The following SNX6 variants were observed in gnomAD, a reference collection of about 807,000 sequenced individuals.
The protein encoded by SNX6 is sorting nexin-6.
In SNX6, 34 loss-of-function variants were observed where a neutral mutation model predicts 63.0. The ratio of observed to expected loss-of-function variants is 0.54; its 90% CI spans 0.41 to 0.72. The LOEUF (loss-of-function observed/expected upper bound fraction) is 0.72, where lower values mean the gene tolerates loss of function less well. SNX6 is among the 30% of genes least tolerant of loss of function. The pLI, the probability that SNX6 is intolerant of heterozygous loss-of-function variation, is 0.00. For missense variants in SNX6, 398 were observed against 471.4 expected, an observed-to-expected ratio of 0.84 and a Z score of 1.44; for synonymous variants, 170 against 164.2, an observed-to-expected ratio of 1.04 and a Z score of -0.27.
At chr14:34,588,249 G>A (rs1022031148) in intron 8 of SNX6, among the ~76,000 whole-genome samples, 2 of 151,884 alleles carry the variant, frequency 1.3e-5, no homozygotes, top group South Asian at 2.1e-4. Flanking sequence ...CCTTGTGATC[G>A]GCCCGCCTTA....
At chr14:34,594,190 T>C (rs1031649823) in intron 7 of SNX6, among the ~76,000 whole-genome samples, 1 of 152,166 alleles carries the variant, frequency 6.6e-6, no homozygotes, top group Non-Finnish European at 1.5e-5. Context: ...CTGTTATACA[T>C]TCTACTGGCC....
At chr14:34,624,075 C>A (rs1458880644) in intron 2 of SNX6, among the ~76,000 whole-genome samples, 1 of 151,818 alleles carries the variant, frequency 6.6e-6, no homozygotes, top group Non-Finnish European at 1.5e-5. Flanking sequence ...ATTCTTGAAG[C>A]CTGCTTTTTA....
chr14:34,625,959 T>C (rs1471592370), intron 2 of SNX6, among the ~76,000 whole-genome samples: 1 of 152,182 alleles, frequency 6.6e-6, no homozygotes, highest in Non-Finnish European at 1.5e-5. Context: ...GCAGTGGCTC[T>C]GATATCAGAA....
At chr14:34,614,811 A>T (rs1883358644) in intron 2 of SNX6, among the ~76,000 whole-genome samples, 1 of 152,104 alleles carries the variant, frequency 6.6e-6, no homozygotes, top group Non-Finnish European at 1.5e-5. Context: ...GCTACTCAGG[A>T]AGCTGAGGCA....
rs1028453512 is a variant in SNX6, at chr14:34,619,703, C to T, written c.55-9961G>A. Among the ~76,000 whole-genome samples the T allele has an allele frequency of 5.3e-5, 8 of 152,164 alleles. No individual in the cohort carries two copies. The East Asian group carries it at 1.5e-3, about 29-fold the overall frequency. On this transcript the variant is annotated intron_variant, in intron 2 of 13. Coordinates refer to ENST00000362031, the MANE Select transcript of SNX6 (RefSeq NM_152233.4). ...TTTTACCACATGTACAATGTAACCT[C>T]ATCAACACCTCCAGTCCTGTGACCT...
At chr14:34,617,607 CAAAAAAAAAAAA>C (rs34716944) in intron 2 of SNX6, among the ~76,000 whole-genome samples, 16,132 of 67,446 alleles carry the variant, frequency 0.24, 1,912 homozygotes, top group East Asian at 0.63. Flanking sequence ...GACCCTGTCT[CAAAAAAAAAAAA>C]AAAAAAAAAA....
chr14:34,569,772 T>C (rs1355114736), intron 11 of SNX6, among the ~76,000 whole-genome samples: 1 of 152,226 alleles, frequency 6.6e-6, no homozygotes, highest in East Asian at 1.9e-4. Context: ...TGTATGGTTA[T>C]ATCACATTAA....
chr14:34,586,465 G>T, intron 8 of SNX6, 160 bp from the exon 9 acceptor site: 2 of 409,738 alleles, frequency 4.9e-6, no homozygotes, highest in Non-Finnish European at 8.9e-6. Context: ...CCAACACTTT[G>T]GGAGGCTGGG....
chr14:34,629,880 C>CG (rs1328413008), intron 2 of SNX6, 27 bp downstream of exon 2: 2 of 1,552,802 alleles, frequency 1.3e-6, no homozygotes, highest in Admixed American at 3.9e-5. Context: ...TCCAGGGTCC[C>CG]GCGAGCGAAA....
rs530980639 is a variant in SNX6, at chr14:34,601,740, G to A, written c.516+1608C>T. ...CTCCCGAGTAGCTGGGATTACAGGC[G>A]CCCACCACCATGCCCAGATAATTTT... On this transcript the variant is annotated intron_variant, in intron 6 of 13. Transcript: ENST00000362031. Among the ~76,000 whole-genome samples the A allele has an allele frequency of 1.9e-3, 287 of 151,172 alleles. 2 individuals carry two copies. The highest frequency in any genetic ancestry group is 6.4e-3 in the African/African-American group (264 of 41,264).
intron 6 of SNX6, among the ~76,000 whole-genome samples, chr14:34,602,053 GC>G (rs554158490): frequency 2.0e-3 from 259 of 128,770 alleles, no homozygotes; most frequent in Non-Finnish European, 2.1e-3. Flanking sequence ...ACTTTGGGAG[GC>G]TGAGGCAGGT....
chr14:34,590,681 T>C (rs961039912), intron 8 of SNX6, among the ~76,000 whole-genome samples: 4 of 152,000 alleles, frequency 2.6e-5, no homozygotes, highest in African/African-American at 7.2e-5. Flanking sequence ...ACAACCATTG[T>C]GGAAAAAAAA....
intron 5 of SNX6, chr14:34,604,160 G>T: frequency 7.8e-7 from 1 of 1,283,930 alleles, no homozygotes; most frequent in Non-Finnish European, 1.0e-6. Context: ...ACCAATGATG[G>T]GAGAAGTTTG....
At chr14:34,572,961 T>C (rs932773871) in intron 11 of SNX6, among the ~76,000 whole-genome samples, 11 of 152,028 alleles carry the variant, frequency 7.2e-5, no homozygotes, top group African/African-American at 2.7e-4. Context: ...GGATTACAGG[T>C]GTGAGCCACC....
chr14:34,597,532 A>T lies in SNX6; in HGVS notation c.612+18T>A. 7.1e-7 allele frequency: 1 copy of T among 1,403,702 alleles called. No homozygotes were observed. Among genetic ancestry groups the T allele is most frequent in the Non-Finnish European group, 1.0e-6 (1 of 999,806 alleles). The allele number at this position is 1,403,702 out of a possible 1,614,324, so 87.0% of individuals were successfully genotyped here. ...AGAAGTCTCAACTAATACCACAGTTAATCAAATAAAATCTTACCTTTACTC... is the reference window on the plus strand; with the variant it reads ...AGAAGTCTCAACTAATACCACAGTTTATCAAATAAAATCTTACCTTTACTC... On this transcript the variant is annotated intron_variant, in intron 7 of 13. Transcript: ENST00000362031.
chr14:34,628,681 A>C (rs1051460103), intron 2 of SNX6, among the ~76,000 whole-genome samples: 5 of 151,868 alleles, frequency 3.3e-5, no homozygotes, highest in African/African-American at 1.2e-4. Flanking sequence ...GTTCATACTA[A>C]CTACCTCATC....
At chr14:34,629,624 G>A (rs1172029070) in intron 2 of SNX6, 5 of 667,270 alleles carry the variant, frequency 7.5e-6, no homozygotes, top group Non-Finnish European at 1.4e-5. Flanking sequence ...TTTCCACTTC[G>A]CCACCTGCAC....
intron 2 of SNX6, among the ~76,000 whole-genome samples, chr14:34,614,114 A>C (rs1442609858): frequency 1.3e-5 from 2 of 151,630 alleles, no homozygotes; most frequent in African/African-American, 2.4e-5. Context: ...CTCAACACAA[A>C]AACAAAAACA....
intron 2 of SNX6, among the ~76,000 whole-genome samples, chr14:34,624,525 C>CTG (rs1189576549): frequency 6.6e-6 from 1 of 152,098 alleles, no homozygotes; most frequent in Non-Finnish European, 1.5e-5. Flanking sequence ...TAGCTGGACG[C>CTG]TGTGGCTCAC....
Sources: gnomAD v4.1 joint callset for allele counts (sites outside exome capture counted in the v4.1 genomes callset) on GRCh38, gnomAD v4.1.1 for gene constraint, MANE v1.5 for transcripts, NCBI Gene and HGNC (gene_info 2026-07-23, HGNC 2026-07-21) for gene names.